PCNT: variants seen among roughly 807,000 people sequenced by gnomAD.
PCNT encodes kendrin.
A neutral mutation model predicts 380.4 loss-of-function variants in PCNT; 319 were observed. The ratio of observed to expected loss-of-function variants is 0.84; its 90% CI spans 0.77 to 0.92. The LOEUF is 0.92. Ranked by LOEUF, PCNT falls within the 40% of genes least tolerant of loss-of-function variation. The pLI, the probability that PCNT is intolerant of heterozygous loss-of-function variation, is 0.00. For missense variants in PCNT, 4,400 were observed against 4,255.3 expected, an observed-to-expected ratio of 1.03 and a Z score of -0.95; for synonymous variants, 1,845 against 1,735.2, an observed-to-expected ratio of 1.06 and a Z score of -1.57.
intron 3 of PCNT, among the ~76,000 whole-genome samples, chr21:46,335,142 T>C (rs1042445352): frequency 6.6e-6 from 1 of 152,218 alleles, no homozygotes; most frequent in African/African-American, 2.4e-5. Context: ...CTCACCTGTC[T>C]GTTCAGCCTG....
intron 15 of PCNT, among the ~76,000 whole-genome samples, chr21:46,377,089 A>C (rs1253121102): frequency 2.2e-4 from 4 of 18,354 alleles, no homozygotes; most frequent in African/African-American, 1.0e-3. Flanking sequence ...TTATCACACA[A>C]AAAAAGGTAG....
intron 10 of PCNT, 86 bp downstream of exon 10, chr21:46,353,412 A>T: frequency 2.7e-6 from 3 of 1,107,896 alleles, no homozygotes; most frequent in African/African-American, 3.1e-5. Context: ...TGGTGATTTC[A>T]TGCTAGTAGG....
At chr21:46,368,631 A>C (rs1456237553) in intron 15 of PCNT, among the ~76,000 whole-genome samples, 1 of 152,232 alleles carries the variant, frequency 6.6e-6, no homozygotes, top group Non-Finnish European at 1.5e-5. Flanking sequence ...CTCTGCCCTC[A>C]GTGAGGTCTC....
chr21:46,419,506 G>C (rs1390913863), intron 31 of PCNT, among the ~76,000 whole-genome samples: 5 of 152,232 alleles, frequency 3.3e-5, no homozygotes, highest in Non-Finnish European at 7.3e-5. Flanking sequence ...TGCACGCCCT[G>C]TGCTGTCACA....
At chr21:46,407,545 G>C (rs55884233) in intron 27 of PCNT, among the ~76,000 whole-genome samples, 1 of 151,812 alleles carries the variant, frequency 6.6e-6, no homozygotes, top group Non-Finnish European at 1.5e-5. Flanking sequence ...GGGTTTCACC[G>C]TGTTAGCCAG....
chr21:46,341,214 C>T (rs1356783242), intron 3 of PCNT, among the ~76,000 whole-genome samples: 3 of 152,074 alleles, frequency 2.0e-5, no homozygotes, highest in Non-Finnish European at 4.4e-5. Flanking sequence ...ATGTGTTGCT[C>T]GGGTTGATTT....
chr21:46,346,485 C>T (rs111743731), intron 4 of PCNT, among the ~76,000 whole-genome samples: 11 of 152,326 alleles, frequency 7.2e-5, no homozygotes, highest in Admixed American at 2.0e-4. Context: ...CCTCCAGGTA[C>T]ACACAGTGCC....
chr21:46,416,444 G>T lies in PCNT; in HGVS notation c.6526G>T (p.Asp2176Tyr). Reference sequence around the variant, plus strand: ...TTCCTTGATACCAGATGAAATGCCAGATTCTCCCATTCAAGAAAAATCAGA... The same window carrying T: ...TTCCTTGATACCAGATGAAATGCCATATTCTCCCATTCAAGAAAAATCAGA... Reference protein sequence around the residue: ...WDSLIPDEMPDSPIQEKSECQ... With the variant: ...WDSLIPDEMPYSPIQEKSECQ... The change falls in exon 30 of 47, where the codon GAT becomes TAT. Residue 2176 changes from aspartate (D) to tyrosine (Y), a missense_variant. Asp to Tyr is a radical substitution (Grantham distance 160). Coordinates refer to ENST00000359568, the MANE Select transcript of PCNT (RefSeq NM_006031.6). 6.2e-7 allele frequency: 1 copy of T among 1,614,206 alleles called. No homozygotes were observed.
chr21:46,420,337 G>T (rs903877220), intron 31 of PCNT, among the ~76,000 whole-genome samples: 4 of 151,984 alleles, frequency 2.6e-5, no homozygotes, highest in Non-Finnish European at 4.4e-5. Flanking sequence ...TTTTATTTTT[G>T]TTCTCATTTC....
chr21:46,394,559 T>C (rs905765903), intron 21 of PCNT: 3 of 983,060 alleles, frequency 3.1e-6, no homozygotes, highest in South Asian at 4.7e-5. Flanking sequence ...AAACGATTGA[T>C]TTGTGTGTGA....
At chr21:46,426,061 A>ATTTT in intron 33 of PCNT, 90 bp downstream of exon 33, 1 of 421,664 alleles carries the variant, frequency 2.4e-6, no homozygotes, top group Non-Finnish European at 4.0e-6. Flanking sequence ...GGACACTAGG[A>ATTTT]TTTCTTTCTT....
Position 46,359,649 on chromosome 21 carries a change from C to T in PCNT, c.2154+2458C>T, listed in dbSNP as rs868514790. Among the ~76,000 whole-genome samples, 8 of 141,118 alleles carry T rather than the reference C, an allele frequency of 5.7e-5. 1 individual carries two copies. The highest frequency in any genetic ancestry group is 2.2e-4 in the South Asian group (1 of 4,496). 92.6% of individuals were successfully genotyped at this position (141,118 alleles called of 152,430 possible). ...GACTACAGGCACGTGCCACCACACC[C>T]GGCTAATTTTTGTATTTTTAATAGA... On this transcript the variant is annotated intron_variant, in intron 13 of 46. Coordinates refer to ENST00000359568, the MANE Select transcript of PCNT (RefSeq NM_006031.6).
Position 46,385,877 on chromosome 21 carries a change from C to A in PCNT, c.3358C>A (p.Arg1120Ser). The A allele has an allele frequency of 6.2e-7, 1 of 1,614,162 alleles. No homozygotes were observed. Among genetic ancestry groups the A allele is most frequent in the East Asian group, 2.2e-5 (1 of 44,880 alleles). ...CTTAAGTCACGAGATAGAAGAGTGC[C>A]GCTCCGAGTTGGAGGTGCTGCAGCA... Reference protein sequence around the residue: ...LSLSHEIEECRSELEVLQQRR... With the variant: ...LSLSHEIEECSSELEVLQQRR... The change falls in exon 17 of 47, where the codon CGC becomes AGC. Residue 1120 changes from arginine to serine, a missense_variant. Coordinates refer to ENST00000359568, the MANE Select transcript of PCNT (RefSeq NM_006031.6).
intron 17 of PCNT, among the ~76,000 whole-genome samples, chr21:46,386,870 G>A (rs145665705): frequency 1.3e-5 from 2 of 152,138 alleles, no homozygotes; most frequent in Non-Finnish European, 2.9e-5. Context: ...CGTCCTCCCC[G>A]TCCCCTTGTG....
At chr21:46,331,578 A>C (rs1043946524) in intron 2 of PCNT, among the ~76,000 whole-genome samples, 1 of 152,104 alleles carries the variant, frequency 6.6e-6, no homozygotes, top group African/African-American at 2.4e-5. Context: ...CCAACGTGGG[A>C]GGATGGTTGA....
At chr21:46,365,317 A>ATTCACTGCCG in intron 14 of PCNT, among the ~76,000 whole-genome samples, 1 of 68,412 alleles carries the variant, frequency 1.5e-5, no homozygotes, top group African/African-American at 4.5e-5. Flanking sequence ...ATTCACTGCC[A>ATTCACTGCCG]TGGGGTTCTA....
At chr21:46,426,646 C>T (rs981840978) in intron 33 of PCNT, among the ~76,000 whole-genome samples, 3 of 152,166 alleles carry the variant, frequency 2.0e-5, no homozygotes, top group African/African-American at 2.4e-5. Context: ...CTCCTACCTC[C>T]CCCTCCACAC....
At chr21:46,398,382 C>CAGACAAGAGAAAGCAGA in intron 24 of PCNT, 127 bp downstream of exon 24, 1 of 985,796 alleles carries the variant, frequency 1.0e-6, no homozygotes, top group Non-Finnish European at 1.5e-6. Flanking sequence ...TCTGCTTTCT[C>CAGACAAGAGAAAGCAGA]TTGTCTGAGG....
intron 19 of PCNT, among the ~76,000 whole-genome samples, chr21:46,389,667 C>A (rs989835360): frequency 7.2e-5 from 11 of 152,222 alleles, no homozygotes; most frequent in African/African-American, 2.4e-4. Context: ...TGTTGCAATT[C>A]CATGTGGAGT....
Sources: gnomAD v4.1 joint callset for allele counts (sites outside exome capture counted in the v4.1 genomes callset) on GRCh38, gnomAD v4.1.1 for gene constraint, MANE v1.5 for transcripts, NCBI Gene and HGNC (gene_info 2026-07-23, HGNC 2026-07-21) for gene names.